The following DCLK1 variants were observed in gnomAD, a reference collection of about 807,000 sequenced individuals.
DCLK1 encodes the protein doublecortin like kinase 1, also known as serine/threonine-protein kinase DCLK1.
DCLK1 carries 16 observed loss-of-function variants against 86.2 expected under a neutral mutation model. The ratio of observed to expected loss-of-function variants is 0.19; its 90% CI spans 0.13 to 0.28. DCLK1 has a LOEUF of 0.28. Ranked by LOEUF, DCLK1 falls within the 10% of genes least tolerant of loss-of-function variation. The pLI is 1.00. For missense variants in DCLK1, 590 were observed against 940.2 expected, an observed-to-expected ratio of 0.63 and a Z score of 4.87; for synonymous variants, 369 against 370.5, an observed-to-expected ratio of 1.00 and a Z score of 0.05.
rs115660000 is a variant in DCLK1 at position 35,871,699 on chromosome 13, C to T, written c.824-359G>A. ...GGTCTCTTGGGATAAACTGTTGTTG[C>T]TTCCAAGGAAAATGTTAGAAGAAAG... On this transcript the variant is annotated intron_variant, in intron 4 of 16. Transcript: ENST00000360631. 6.6e-3 allele frequency among the ~76,000 whole-genome samples: 1,004 copies of T among 152,266 alleles called. 7 individuals carry two copies. Among genetic ancestry groups the T allele is most frequent in the African/African-American group, 0.023 (941 of 41,532 alleles).
At chr13:36,100,918 G>A (rs984042597) in intron 3 of DCLK1, among the ~76,000 whole-genome samples, 3 of 152,176 alleles carry the variant, frequency 2.0e-5, no homozygotes, top group African/African-American at 7.2e-5. Context: ...GGCATGTCTA[G>A]AAAATTATTA....
At chr13:36,014,002 C>A (rs1005088493) in intron 3 of DCLK1, among the ~76,000 whole-genome samples, 1 of 152,170 alleles carries the variant, frequency 6.6e-6, no homozygotes, top group Non-Finnish European at 1.5e-5. Flanking sequence ...TTCTTTGACT[C>A]GGAAAGGGAA....
intron 15 of DCLK1, among the ~76,000 whole-genome samples, chr13:35,802,766 A>G (rs1027788833): frequency 6.6e-6 from 1 of 152,192 alleles, no homozygotes; most frequent in African/African-American, 2.4e-5. Flanking sequence ...ATTAAAAAAA[A>G]GTAGCACAAA....
rs149432479 is a variant in DCLK1 at position 35,847,155 on chromosome 13, T to C, written c.1035+7344A>G. The C allele has an allele frequency of 2.2e-4, 214 of 953,058 alleles. 3 individuals are homozygous for C. The East Asian group carries it at 3.1e-3, about 14-fold the overall frequency. 59.0% of individuals were successfully genotyped at this position (953,058 alleles called of 1,614,324 possible). ...AGATATATCAATATAAACATTAATG[T>C]TACTTATATTTAATAGTTAACACAA... is the stretch of plus-strand genomic sequence containing the variant. On this transcript the variant is annotated intron_variant, in intron 6 of 16. Coordinates refer to ENST00000360631, the MANE Select transcript of DCLK1 (RefSeq NM_001330071.2).
intron 4 of DCLK1, among the ~76,000 whole-genome samples, chr13:35,937,577 A>G (rs1267164222): frequency 3.3e-5 from 5 of 152,186 alleles, no homozygotes; most frequent in African/African-American, 1.2e-4. Flanking sequence ...AGATATGATG[A>G]TGGCAATTTT....
At chr13:36,050,142 CA>C (rs1170042264) in intron 3 of DCLK1, among the ~76,000 whole-genome samples, 1 of 152,158 alleles carries the variant, frequency 6.6e-6, no homozygotes, top group East Asian at 1.9e-4. Flanking sequence ...GTTAAACTTT[CA>C]TTTTATAACT....
chr13:36,089,422 A>G (rs1462681466), intron 3 of DCLK1, among the ~76,000 whole-genome samples: 2 of 152,204 alleles, frequency 1.3e-5, no homozygotes. Flanking sequence ...TTTTGGAAAC[A>G]TAACCTTGGT....
chr13:35,878,129 A>G (rs1872689733), intron 4 of DCLK1, among the ~76,000 whole-genome samples: 1 of 152,114 alleles, frequency 6.6e-6, no homozygotes, highest in African/African-American at 2.4e-5. Context: ...CTCCTGCCTC[A>G]TGGTTTTGAA....
In DCLK1 at chr13:35,809,063, C is replaced by A; in HGVS notation, c.1721G>T (p.Gly574Val). The A allele has an allele frequency of 6.2e-7, 1 of 1,612,094 alleles. No individual in the cohort carries two copies. Among genetic ancestry groups the A allele is most frequent in the Non-Finnish European group, 8.5e-7 (1 of 1,178,668 alleles). Residue 574 changes from glycine to valine, a missense_variant, in exon 13 of 17, where the codon GGT becomes GTT. By Grantham distance (109) the Gly-to-Val change is moderately radical. Transcript: ENST00000360631. ...ACACAGCAGGATATAAGTGATTACA[C>A]CTGCTGCCCAGATGTCCACCTTGAG... ...YGLKVDIWAA[G>V]VITYILLCGF...
chr13:36,001,983 T>C (rs1880741519), intron 3 of DCLK1, among the ~76,000 whole-genome samples: 1 of 152,084 alleles, frequency 6.6e-6, no homozygotes. Flanking sequence ...TAGCTTGGAT[T>C]ATCTACCTTA....
chr13:35,991,395 C>T (rs938498526), intron 3 of DCLK1, among the ~76,000 whole-genome samples: 26 of 152,112 alleles, frequency 1.7e-4, no homozygotes, highest in Non-Finnish European at 3.4e-4. Context: ...GATGTGGTGG[C>T]TCACATCTGT....
chr13:36,047,306 A>G (rs1185569162), intron 3 of DCLK1, among the ~76,000 whole-genome samples: 1 of 152,212 alleles, frequency 6.6e-6, no homozygotes, highest in Non-Finnish European at 1.5e-5. Context: ...GAACCACCCT[A>G]CTATCCAAGA....
At chr13:35,914,962 T>C (rs1221755490) in intron 4 of DCLK1, among the ~76,000 whole-genome samples, 1 of 152,182 alleles carries the variant, frequency 6.6e-6, no homozygotes, top group Non-Finnish European at 1.5e-5. Flanking sequence ...CCAATGATTT[T>C]AGGAATTGTT....
chr13:36,056,542 AC>A (rs1205432894), intron 3 of DCLK1, among the ~76,000 whole-genome samples: 1 of 139,932 alleles, frequency 7.1e-6, no homozygotes, highest in Non-Finnish European at 1.5e-5. Context: ...GGTGCAGCGC[AC>A]CAGCATGGCA....
chr13:35,818,903 T>C (rs2087331713), intron 11 of DCLK1, among the ~76,000 whole-genome samples: 1 of 152,030 alleles, frequency 6.6e-6, no homozygotes, highest in African/African-American at 2.4e-5. Context: ...AGTGGTCCCA[T>C]GCCTAAGCCC....
intron 6 of DCLK1, chr13:35,849,621 G>A (rs948981454): frequency 3.1e-6 from 3 of 978,672 alleles, no homozygotes; most frequent in Admixed American, 6.2e-5. Context: ...TTAAAATAGA[G>A]GACTAGAAGA....
intron 3 of DCLK1, among the ~76,000 whole-genome samples, chr13:35,991,151 C>T (rs1880201190): frequency 1.3e-5 from 2 of 152,086 alleles, no homozygotes; most frequent in South Asian, 2.1e-4. Context: ...GGAGAGGTAC[C>T]CTCTCTTTAC....
chr13:35,787,105 A>G (rs1239018068), intron 16 of DCLK1, among the ~76,000 whole-genome samples: 1 of 150,948 alleles, frequency 6.6e-6, no homozygotes, highest in East Asian at 1.9e-4. Context: ...ATATACACAC[A>G]CATACACATT....
At chr13:36,001,775 AT>A (rs1245763788) in intron 3 of DCLK1, among the ~76,000 whole-genome samples, 12 of 150,546 alleles carry the variant, frequency 8.0e-5, no homozygotes, top group South Asian at 2.1e-4. Flanking sequence ...TTGGTGGGTA[AT>A]TTTTTTTTTC....
Sources: allele counts gnomAD v4.1 joint callset (sites outside exome capture counted in the v4.1 genomes callset), GRCh38; gene constraint gnomAD v4.1.1; transcripts MANE v1.5; gene names NCBI Gene and HGNC (gene_info 2026-07-23, HGNC 2026-07-21).